IPO11: variants seen among roughly 807,000 people sequenced by gnomAD.
IPO11 encodes importin 11, also known as importin-11.
Under a neutral mutation model 143.2 loss-of-function variants are expected in IPO11, and 66 were observed. The ratio of observed to expected loss-of-function variants is 0.46; its 90% confidence interval spans 0.38 to 0.57. The LOEUF is 0.57. Ranked by LOEUF, IPO11 falls within the 20% of genes least tolerant of loss-of-function variation. The probability of loss-of-function intolerance (pLI) is 0.00; values close to 1 mark genes in which losing one functional copy is unlikely to be tolerated. For synonymous variants in IPO11, 385 were observed against 377.8 expected (o/e 1.02, Z -0.22); for missense variants, 1,026 against 1,141.0 (o/e 0.90, Z 1.45).
At chr5:62,598,502 CTT>C (rs1745348820) in intron 28 of IPO11, among the ~76,000 whole-genome samples, 1 of 4,868 alleles carries the variant, frequency 2.1e-4, no homozygotes, top group Non-Finnish European at 2.9e-4. Flanking sequence ...CTCTTTCTTT[CTT>C]TCTTTCTTTC....
At chr5:62,559,335 G>A (rs780807390) in intron 26 of IPO11, among the ~76,000 whole-genome samples, 14 of 151,992 alleles carry the variant, frequency 9.2e-5, no homozygotes, top group Non-Finnish European at 1.9e-4. Context: ...TGCAGGCGAA[G>A]GATAATGAAC....
chr5:62,517,514 T>G (rs1742066940), intron 20 of IPO11, among the ~76,000 whole-genome samples: 1 of 152,168 alleles, frequency 6.6e-6, no homozygotes, highest in African/African-American at 2.4e-5. Flanking sequence ...GCAATTCTCC[T>G]GCCTCATCCT....
intron 1 of IPO11, among the ~76,000 whole-genome samples, chr5:62,435,493 G>A (rs1041785041): frequency 7.2e-5 from 11 of 151,916 alleles, no homozygotes; most frequent in African/African-American, 2.7e-4. Context: ...AGCTACTTAG[G>A]AGGCTGAGGT....
intron 27 of IPO11, chr5:62,578,585 G>A (rs1283051651): frequency 2.6e-6 from 1 of 382,046 alleles, no homozygotes; most frequent in African/African-American, 2.2e-5. Context: ...TTATATTATA[G>A]GAGATATTTC....
chr5:62,441,527 T>A (rs1744476605), intron 2 of IPO11, among the ~76,000 whole-genome samples: 1 of 104,330 alleles, frequency 9.6e-6, no homozygotes. Context: ...TTTTTTTTTT[T>A]TTTATGGGAC....
At chr5:62,533,215 CTTT>C (rs67146609) in intron 22 of IPO11, among the ~76,000 whole-genome samples, 1 of 22,910 alleles carries the variant, frequency 4.4e-5, no homozygotes, top group Non-Finnish European at 1.2e-4. Flanking sequence ...TTTCTTTCTT[CTTT>C]TTTTTTTTTT....
intron 21 of IPO11, among the ~76,000 whole-genome samples, chr5:62,530,022 A>T (rs1330831231): frequency 2.6e-5 from 4 of 152,164 alleles, no homozygotes; most frequent in Non-Finnish European, 4.4e-5. Flanking sequence ...TTGTTGTACT[A>T]AGTTCATATT....
At chr5:62,449,315 G>A (rs555214522) in intron 3 of IPO11, among the ~76,000 whole-genome samples, 1 of 152,264 alleles carries the variant, frequency 6.6e-6, no homozygotes, top group African/African-American at 2.4e-5. Flanking sequence ...CTCATACGCA[G>A]TCAAAATTAT....
At chr5:62,514,918 C>T (rs923332607) in intron 19 of IPO11, among the ~76,000 whole-genome samples, 1 of 152,148 alleles carries the variant, frequency 6.6e-6, no homozygotes, top group African/African-American at 2.4e-5. Flanking sequence ...ATTGCACTTC[C>T]CCTTTTTCAT....
At chr5:62,531,709 T>C (rs1451915985) in intron 22 of IPO11, among the ~76,000 whole-genome samples, 4 of 152,220 alleles carry the variant, frequency 2.6e-5, no homozygotes, top group Non-Finnish European at 5.9e-5. Flanking sequence ...TTGTAACTGA[T>C]TAAAAAATCA....
chr5:62,458,008 G>T (rs1435063232), intron 5 of IPO11, among the ~76,000 whole-genome samples: 1 of 151,830 alleles, frequency 6.6e-6, no homozygotes, highest in African/African-American at 2.4e-5. Flanking sequence ...TTAGCTGGGC[G>T]TGGTGGTGGG....
At chr5:62,598,520 TTC>T (rs1745356511) in intron 28 of IPO11, among the ~76,000 whole-genome samples, 1 of 10,620 alleles carries the variant, frequency 9.4e-5, no homozygotes, top group Non-Finnish European at 1.3e-4. Flanking sequence ...CTTTCTTTCT[TTC>T]TTTCTTTTCT....
At chr5:62,428,892 C>T (rs1241379890) in intron 1 of IPO11, among the ~76,000 whole-genome samples, 1 of 152,100 alleles carries the variant, frequency 6.6e-6, no homozygotes, top group African/African-American at 2.4e-5. Flanking sequence ...GCCTCGAACT[C>T]CTGGACTGAA....
intron 3 of IPO11, among the ~76,000 whole-genome samples, chr5:62,445,706 T>C (rs1744696457): frequency 6.6e-6 from 1 of 152,160 alleles, no homozygotes; most frequent in Admixed American, 6.5e-5. Context: ...TAGGCAAATG[T>C]AAGTGTTCTG....
At position 62,628,247 on chromosome 5, in the gene IPO11, A is replaced by AG. The variant is rs1746654087; in HGVS notation, c.*932dup. The AG allele has an allele frequency of 6.6e-6, 1 of 152,554 alleles. No homozygotes were observed. Among genetic ancestry groups the AG allele is most frequent in the Admixed American group, 6.5e-5 (1 of 15,282 alleles). 9.5% of individuals were successfully genotyped at this position (152,554 alleles called of 1,614,324 possible). A position where few individuals can be genotyped will look rare whatever the true frequency, so the allele number is the denominator to read the frequency against. The stretch of plus-strand genomic sequence containing the variant: ...CTGGGAGGATCCAGCAGTAATCCCC[A>AG]GGGTACTAGGATTACTAGTACTCTG... On this transcript the variant is annotated 3_prime_UTR_variant, in exon 30 of 30. Transcript: ENST00000325324.
Position 62,476,681 on chromosome 5 carries a change from A to G in IPO11, c.758-2A>G. ...CTAATATTTGAAATGTATTTTTAAC[A>G]GGTAGAAGTATAGGTACAGATAATG... On this transcript the variant is annotated splice_acceptor_variant, in intron 8 of 29. Coordinates refer to ENST00000325324, the MANE Select transcript of IPO11 (RefSeq NM_016338.5). LOFTEE classifies it high-confidence loss of function. 6.6e-7 allele frequency: 1 copy of G among 1,509,550 alleles called. No individual in the cohort carries two copies. The highest frequency in any genetic ancestry group is 8.9e-7 in the Non-Finnish European group (1 of 1,127,134). 93.5% of individuals were successfully genotyped at this position (1,509,550 alleles called of 1,614,324 possible).
intron 1 of IPO11, among the ~76,000 whole-genome samples, chr5:62,421,418 T>C (rs940485587): frequency 6.6e-6 from 1 of 152,236 alleles, no homozygotes; most frequent in African/African-American, 2.4e-5. Context: ...GTATTTTTGT[T>C]CTTTCTCAAG....
chr5:62,548,232 ATACT>A (rs547829667), intron 24 of IPO11, among the ~76,000 whole-genome samples: 158 of 152,292 alleles, frequency 1.0e-3, no homozygotes, highest in African/African-American at 3.6e-3. Flanking sequence ...TCTGGAAGTA[ATACT>A]TACCTTTTTT....
At chr5:62,439,993 A>G (rs759083094) in intron 2 of IPO11, among the ~76,000 whole-genome samples, 1 of 152,158 alleles carries the variant, frequency 6.6e-6, no homozygotes, top group Non-Finnish European at 1.5e-5. Flanking sequence ...TTTGAGATAG[A>G]CTGAGTGAGA....
Sources: allele counts gnomAD v4.1 joint callset (sites outside exome capture counted in the v4.1 genomes callset), GRCh38; gene constraint gnomAD v4.1.1; transcripts MANE v1.5; gene names NCBI Gene and HGNC (gene_info 2026-07-23, HGNC 2026-07-21).